Variants in GPC5 observed in about 807,000 individuals in gnomAD.
GPC5 encodes the protein glypican-5.
Under a neutral mutation model 53.9 loss-of-function variants are expected in GPC5, and 47 were observed. The observed-to-expected ratio is 0.87, with a 90% CI of 0.69 to 1.11. GPC5 has a LOEUF of 1.11. Ranked by LOEUF, GPC5 falls within the 50% of genes most tolerant of loss-of-function variation. The pLI is 0.00. For synonymous variants in GPC5, 286 were observed against 263.3 expected (o/e 1.09, Z -0.84); for missense variants, 748 against 713.1 (o/e 1.05, Z -0.56).
chr13:91,958,983 GAACA>G (rs1168922286), intron 6 of GPC5, among the ~76,000 whole-genome samples: 6 of 146,624 alleles, frequency 4.1e-5, no homozygotes, highest in African/African-American at 1.0e-4. Context: ...GGAAAATCAA[GAACA>G]AACAAAACCC....
At chr13:91,638,506 C>T (rs2034340011) in intron 2 of GPC5, among the ~76,000 whole-genome samples, 1 of 152,052 alleles carries the variant, frequency 6.6e-6, no homozygotes, top group Non-Finnish European at 1.5e-5. Flanking sequence ...GCTGGAACTA[C>T]AGGCATGTGC....
intron 7 of GPC5, among the ~76,000 whole-genome samples, chr13:92,757,256 G>C (rs1362305444): frequency 1.3e-5 from 2 of 152,170 alleles, no homozygotes; most frequent in Non-Finnish European, 2.9e-5. Context: ...AATAAATGGT[G>C]CTGGGAAAAC....
intron 3 of GPC5, among the ~76,000 whole-genome samples, chr13:91,714,268 A>G (rs900362070): frequency 6.6e-6 from 1 of 152,212 alleles, no homozygotes; most frequent in Non-Finnish European, 1.5e-5. Flanking sequence ...GTTTTCAAAG[A>G]TGCAGAACAA....
chr13:92,541,315 G>T (rs984243990), intron 7 of GPC5, among the ~76,000 whole-genome samples: 1 of 151,648 alleles, frequency 6.6e-6, no homozygotes, highest in Admixed American at 6.6e-5. Context: ...ATACTTTCCA[G>T]TATTTTAAAA....
intron 7 of GPC5, among the ~76,000 whole-genome samples, chr13:92,405,303 A>C (rs1379957804): frequency 6.6e-6 from 1 of 152,176 alleles, no homozygotes; most frequent in African/African-American, 2.4e-5. Flanking sequence ...CTTAAAGTGC[A>C]CATCTTTGGA....
chr13:92,491,017 C>T (rs964545472), intron 7 of GPC5, among the ~76,000 whole-genome samples: 3 of 152,074 alleles, frequency 2.0e-5, no homozygotes, highest in African/African-American at 4.8e-5. Context: ...CTGAGAAGGA[C>T]TCAGATGGTC....
At chr13:92,855,913 TG>T (rs2138849876) in intron 7 of GPC5, among the ~76,000 whole-genome samples, 1 of 152,166 alleles carries the variant, frequency 6.6e-6, no homozygotes, top group East Asian at 1.9e-4. Flanking sequence ...GATTCACAGC[TG>T]AATTCTACCA....
At chr13:91,499,420 G>A (rs1412649465) in intron 2 of GPC5, among the ~76,000 whole-genome samples, 1 of 152,158 alleles carries the variant, frequency 6.6e-6, no homozygotes, top group Non-Finnish European at 1.5e-5. Context: ...TTAGACAAGA[G>A]AAAGGGAAAT....
chr13:91,931,423 A>C (rs2039820452), intron 6 of GPC5, among the ~76,000 whole-genome samples: 1 of 152,062 alleles, frequency 6.6e-6, no homozygotes, highest in African/African-American at 2.4e-5. Flanking sequence ...TGGAGCAATG[A>C]ATTTCTAAAA....
chr13:92,719,970 A>C (rs1410924948), intron 7 of GPC5: 1 of 152,136 alleles, frequency 6.6e-6, no homozygotes, highest in Non-Finnish European at 1.5e-5. Context: ...AAGACACTGA[A>C]ACTGCTGTTA....
At position 92,252,729 on chromosome 13, in the gene GPC5, T is replaced by C. The variant is rs2042700892; in HGVS notation, c.1561+107740T>C. Among the ~76,000 whole-genome samples the C allele has an allele frequency of 2.0e-5, 3 of 152,102 alleles. No individual in the cohort carries two copies. In the South Asian group the frequency reaches 6.2e-4, roughly 31 times the overall value. On this transcript the variant is annotated intron_variant, in intron 7 of 7. Coordinates refer to ENST00000377067, the MANE Select transcript of GPC5 (RefSeq NM_004466.6). ...ATATTTTTAAAAATGGAAAGTAGGA[T>C]TTGGTAATGCACAGTTAAAAACAGC... is the stretch of plus-strand genomic sequence containing the variant.
chr13:92,753,624 G>C (rs935049618), intron 7 of GPC5, among the ~76,000 whole-genome samples: 2 of 152,118 alleles, frequency 1.3e-5, no homozygotes, highest in Non-Finnish European at 2.9e-5. Context: ...CCAATACAAA[G>C]AAGTGCTTAA....
intron 7 of GPC5, among the ~76,000 whole-genome samples, chr13:92,411,276 A>AT (rs966046714): frequency 1.2e-4 from 19 of 152,092 alleles, no homozygotes; most frequent in Non-Finnish European, 2.4e-4. Flanking sequence ...TCTCAAAAAG[A>AT]TAAAAAAAAA....
intron 7 of GPC5, among the ~76,000 whole-genome samples, chr13:92,393,131 A>G (rs1875100001): frequency 3.9e-5 from 6 of 152,234 alleles, no homozygotes. Flanking sequence ...TCACAATTGC[A>G]AAGATATGGA....
intron 7 of GPC5, among the ~76,000 whole-genome samples, chr13:92,147,763 C>T (rs1310254497): frequency 1.3e-5 from 2 of 151,970 alleles, no homozygotes. Context: ...TATGTTTCTA[C>T]GAGTTTATAG....
At chr13:92,700,546 T>C (rs181205130) in intron 7 of GPC5, among the ~76,000 whole-genome samples, 4 of 152,126 alleles carry the variant, frequency 2.6e-5, no homozygotes, top group African/African-American at 9.7e-5. Context: ...TCAATGTTCT[T>C]TACAATTTGG....
chr13:92,519,450 A>C (rs1026273953), intron 7 of GPC5, among the ~76,000 whole-genome samples: 7 of 152,346 alleles, frequency 4.6e-5, no homozygotes, highest in African/African-American at 1.7e-4. Context: ...AGTGCAATCA[A>C]ACTAGAACTC....
At chr13:92,608,946 C>T (rs1430047559) in intron 7 of GPC5, among the ~76,000 whole-genome samples, 2 of 152,154 alleles carry the variant, frequency 1.3e-5, no homozygotes, top group Non-Finnish European at 2.9e-5. Context: ...TTCTCTTTGT[C>T]ATGAATATCC....
At chr13:92,458,322 G>A (rs1331868782) in intron 7 of GPC5, among the ~76,000 whole-genome samples, 2 of 140,750 alleles carry the variant, frequency 1.4e-5, no homozygotes, top group Admixed American at 7.2e-5. Flanking sequence ...CAGGGTGGGG[G>A]ATGAAGTTTT....
Sources: gnomAD v4.1 joint callset for allele counts (sites outside exome capture counted in the v4.1 genomes callset) on GRCh38, gnomAD v4.1.1 for gene constraint, MANE v1.5 for transcripts, NCBI Gene and HGNC (gene_info 2026-07-23, HGNC 2026-07-21) for gene names.